The following KNDC1 variants were observed in gnomAD, a reference collection of about 807,000 sequenced individuals.
KNDC1 encodes the protein kinase non-catalytic C-lobe domain containing 1.
A neutral mutation model predicts 172.8 loss-of-function variants in KNDC1; 106 were observed. The observed-to-expected ratio is 0.61, with a 90% CI of 0.52 to 0.72. The LOEUF (loss-of-function observed/expected upper bound fraction) is 0.72. KNDC1 is among the 30% of genes least tolerant of loss of function. KNDC1 has a pLI of 0.00. For synonymous variants in KNDC1, 1,083 were observed against 1,062.2 expected (o/e 1.02, Z -0.38); for missense variants, 2,325 against 2,394.5 (o/e 0.97, Z 0.61).
Position 133,163,175 on chromosome 10 carries a change from G to C in KNDC1, c.102+2606G>C, listed in dbSNP as rs1180762329. On this transcript the variant is annotated intron_variant, in intron 1 of 29. Coordinates refer to ENST00000304613, the MANE Select transcript of KNDC1 (RefSeq NM_152643.8). This position sits in a 1 kb window ranked among gnomAD's most constrained non-coding sequence, Gnocchi z 4.4. ...GTCCAGGCGGCTGGAGTCGATGGAT[G>C]GGCAATGCTGGCTGCCCCATGGGAA... Among the ~76,000 whole-genome samples, 1 of 152,232 alleles carries C rather than the reference G, an allele frequency of 6.6e-6. No individual in the cohort carries two copies. Among genetic ancestry groups the C allele is most frequent in the Non-Finnish European group, 1.5e-5 (1 of 68,048 alleles).
At chr10:133,172,187 C>A (rs1485446673) in intron 3 of KNDC1, among the ~76,000 whole-genome samples, 1 of 152,154 alleles carries the variant, frequency 6.6e-6, no homozygotes, top group Non-Finnish European at 1.5e-5. Flanking sequence ...ACCACTCCCC[C>A]CATCCCCCAT....
intron 3 of KNDC1, among the ~76,000 whole-genome samples, chr10:133,178,429 C>T (rs1490147518): frequency 6.6e-6 from 1 of 152,168 alleles, no homozygotes; most frequent in African/African-American, 2.4e-5. Context: ...AGCGAAACTA[C>T]AGCAAGTTTC....
At chr10:133,222,525 GC>G (rs1845624476) in intron 29 of KNDC1, among the ~76,000 whole-genome samples, 1 of 41,120 alleles carries the variant, frequency 2.4e-5, no homozygotes, top group African/African-American at 8.0e-5. Context: ...ATCCAGGCAT[GC>G]TCTTCCCGGC....
At chr10:133,181,145 T>TGGGGCACCCACTGACGCCACAC (rs1470480138) in intron 3 of KNDC1, among the ~76,000 whole-genome samples, 4 of 151,178 alleles carry the variant, frequency 2.6e-5, no homozygotes, top group East Asian at 1.9e-4. Context: ...TGACGCCACA[T>TGGGGCACCCACTGACGCCACAC]GGGGCACCCA....
At position 133,209,589 on chromosome 10, in the gene KNDC1, G is replaced by A. The variant is rs112966449; in HGVS notation, c.3795-1022G>A. Reference sequence around the variant, plus strand: ...GGCTTTGTCCACGTGTGTGGCGTGCGTGTCTGTGGTTGTACAGTTTGTGGC... The same window carrying A: ...GGCTTTGTCCACGTGTGTGGCGTGCATGTCTGTGGTTGTACAGTTTGTGGC... On this transcript the variant is annotated intron_variant, in intron 20 of 29. Coordinates refer to ENST00000304613, the MANE Select transcript of KNDC1 (RefSeq NM_152643.8). This position sits in a 1 kb window ranked among gnomAD's most constrained non-coding sequence, Gnocchi z 4.9. Among the ~76,000 whole-genome samples the A allele has an allele frequency of 0.013, 2,034 of 152,090 alleles. 44 individuals are homozygous for A. Among genetic ancestry groups the A allele is most frequent in the African/African-American group, 0.043 (1,779 of 41,448 alleles).
intron 3 of KNDC1, among the ~76,000 whole-genome samples, chr10:133,173,004 T>TA (rs897243387): frequency 6.6e-6 from 1 of 152,108 alleles, no homozygotes; most frequent in Non-Finnish European, 1.5e-5. Context: ...CGCCACTTCT[T>TA]AAAAAAATAG....
chr10:133,181,658 A>ACCCC (rs1485353125), intron 3 of KNDC1, among the ~76,000 whole-genome samples: 1 of 152,130 alleles, frequency 6.6e-6, no homozygotes, highest in Non-Finnish European at 1.5e-5. Flanking sequence ...GGGACAGAGA[A>ACCCC]GGTCAGCCGG....
rs761196840 is a variant in KNDC1, at chr10:133,198,884, G to A, written c.2376G>A (p.Leu792=). 1.3e-6 allele frequency: 2 copies of A among 1,594,478 alleles called. No individual in the cohort carries two copies. Among genetic ancestry groups the A allele is most frequent in the East Asian group, 2.3e-5 (1 of 44,268 alleles). ...VPAPPTKASA[L]PVEQGPAEPI... ...CCCCGCCCACGAAGGCATCTGCGCT[G>A]CCCGTAGAGCAAGGGCCGGCTGAGC... is the stretch of plus-strand genomic sequence containing the variant. Residue 792 remains leucine (L), a synonymous_variant, in exon 14 of 30, where the codon CTG becomes CTA. Transcript: ENST00000304613.
At chr10:133,176,950 T>G (rs1368604819) in intron 3 of KNDC1, among the ~76,000 whole-genome samples, 1 of 152,190 alleles carries the variant, frequency 6.6e-6, no homozygotes, top group Non-Finnish European at 1.5e-5. Flanking sequence ...GCTGGCCTGG[T>G]CAGGCCATGG....
chr10:133,197,615 G>T (rs929008167), intron 11 of KNDC1, 60 bp from the exon 12 acceptor site: 1 of 1,316,892 alleles, frequency 7.6e-7, no homozygotes, highest in East Asian at 2.3e-5. Context: ...CCCTGTGGGT[G>T]TTGCCGGCGC....
intron 9 of KNDC1, 123 bp from the exon 10 acceptor site, chr10:133,195,540 G>A (rs1854164910): frequency 1.1e-6 from 1 of 929,614 alleles, no homozygotes; most frequent in Non-Finnish European, 1.5e-6. Flanking sequence ...GAGGGGTCTT[G>A]AGGAGAGCCC....
At position 133,219,913 on chromosome 10, in the gene KNDC1, C is replaced by T. The variant is rs762406243; in HGVS notation, c.4861-42C>T. ...CCGGCTGAGGCTCCTGCACTGACCA[C>T]GCCCTGTCTCTCCCCGGCCCACGCC... On this transcript the variant is annotated intron_variant, in intron 28 of 29. Transcript: ENST00000304613. 15 of 1,534,642 alleles carry T rather than the reference C, an allele frequency of 9.8e-6. No individual in the cohort carries two copies. The Admixed American group carries it at 2.6e-4, about 26-fold the overall frequency.
chr10:133,178,416 A>G (rs1030998803), intron 3 of KNDC1, among the ~76,000 whole-genome samples: 1 of 152,194 alleles, frequency 6.6e-6, no homozygotes, highest in African/African-American at 2.4e-5. Context: ...GCGAAGCTAC[A>G]TTAGCGAAAC....
chr10:133,219,730 C>T (rs1845542539), intron 28 of KNDC1, among the ~76,000 whole-genome samples: 1 of 152,246 alleles, frequency 6.6e-6, no homozygotes, highest in East Asian at 1.9e-4. Context: ...CAAAACCTCC[C>T]AGCGGCTGTC....
intron 3 of KNDC1, among the ~76,000 whole-genome samples, chr10:133,174,843 CAGAT>C (rs1454375091): frequency 5.0e-5 from 7 of 141,302 alleles, no homozygotes; most frequent in South Asian, 2.3e-4. Flanking sequence ...CGTGGATGAA[CAGAT>C]GGATGGTTAG....
Position 133,199,118 on chromosome 10 carries a change from AGACC to A in KNDC1, c.2612_2615del (p.Asp871GlyfsTer46). 1 of 1,607,954 alleles carries A rather than the reference AGACC, an allele frequency of 6.2e-7. No individual in the cohort carries two copies. The highest frequency in any genetic ancestry group is 8.5e-7 in the Non-Finnish European group (1 of 1,178,040). ...GTGTCCCAGAGAGGCCGCGGCCCGC[AGACC>A]GGAGGCTCTGTCTGCCCTGCGTGGA... On this transcript the variant is annotated frameshift_variant, in exon 14 of 30. Coordinates refer to ENST00000304613, the MANE Select transcript of KNDC1 (RefSeq NM_152643.8). LOFTEE classifies it high-confidence loss of function.
intron 20 of KNDC1, among the ~76,000 whole-genome samples, 160 bp downstream of exon 20, chr10:133,207,511 C>T (rs866708891): frequency 2.0e-5 from 3 of 152,232 alleles, no homozygotes; most frequent in East Asian, 1.9e-4. Flanking sequence ...TAGGTGCCAC[C>T]GGCAGCTTTG....
chr10:133,219,123 G>GA, intron 28 of KNDC1, 33 bp downstream of exon 28: 1 of 1,602,516 alleles, frequency 6.2e-7, no homozygotes, highest in Non-Finnish European at 8.5e-7. Context: ...GGCGGCTTTG[G>GA]TCCCCCGAGG....
At chr10:133,169,518 G>C (rs928883751) in intron 3 of KNDC1, among the ~76,000 whole-genome samples, 3 of 152,238 alleles carry the variant, frequency 2.0e-5, no homozygotes, top group Non-Finnish European at 4.4e-5. Context: ...CTTTCACTCT[G>C]AAACAAGTGA....
Sources: gnomAD v4.1 joint callset for allele counts (sites outside exome capture counted in the v4.1 genomes callset) on GRCh38, gnomAD v4.1.1 for gene constraint, Gnocchi (gnomAD v3.1) non-coding constraint, MANE v1.5 for transcripts, NCBI Gene and HGNC (gene_info 2026-07-23, HGNC 2026-07-21) for gene names.